The following SAMD3 variants were observed in gnomAD, a reference collection of about 807,000 sequenced individuals.
The protein encoded by SAMD3 is sterile alpha motif domain containing 3, also known as sterile alpha motif domain-containing protein 3.
Under a neutral mutation model 58.5 loss-of-function variants are expected in SAMD3, and 63 were observed. The ratio of observed to expected loss-of-function variants is 1.08; its 90% CI spans 0.88 to 1.33. The LOEUF (loss-of-function observed/expected upper bound fraction) is 1.33. SAMD3 is among the 40% of genes most tolerant of loss of function. SAMD3 has a pLI of 0.00. For synonymous variants in SAMD3, 220 were observed against 210.3 expected, an observed-to-expected ratio of 1.05 and a Z score of -0.40; for missense variants, 604 against 608.4, an observed-to-expected ratio of 0.99 and a Z score of 0.08.
At chr6:130,326,309 A>T (rs894874955) in intron 1 of SAMD3, among the ~76,000 whole-genome samples, 2 of 149,708 alleles carry the variant, frequency 1.3e-5, no homozygotes. Context: ...ATATACCCTG[A>T]TATCTCCTGC....
intron 5 of SAMD3, among the ~76,000 whole-genome samples, chr6:130,202,703 A>T (rs1036512977): frequency 2.6e-5 from 4 of 152,234 alleles, no homozygotes; most frequent in Non-Finnish European, 5.9e-5. Context: ...ACATTACTAC[A>T]TTACTGTATG....
intron 9 of SAMD3, among the ~76,000 whole-genome samples, chr6:130,152,073 T>A (rs1466857673): frequency 6.6e-6 from 1 of 151,836 alleles, no homozygotes; most frequent in Non-Finnish European, 1.5e-5. Context: ...AGCATGGAGG[T>A]GATGGGGGGT....
intron 2 of SAMD3, among the ~76,000 whole-genome samples, chr6:130,275,087 A>G (rs1774728049): frequency 6.6e-6 from 1 of 152,176 alleles, no homozygotes; most frequent in African/African-American, 2.4e-5. Flanking sequence ...TTCTTAGGTG[A>G]GTTGTATGCC....
At chr6:130,172,297 G>A (rs951304861) in intron 8 of SAMD3, among the ~76,000 whole-genome samples, 16 of 151,842 alleles carry the variant, frequency 1.1e-4, no homozygotes, top group South Asian at 4.1e-4. Flanking sequence ...GCAGTTTATC[G>A]CGGCATTGGT....
chr6:130,248,003 C>T (rs1356617846), intron 2 of SAMD3, among the ~76,000 whole-genome samples: 3 of 152,062 alleles, frequency 2.0e-5, no homozygotes, highest in South Asian at 2.1e-4. Flanking sequence ...GTGTGATGTG[C>T]ACCCCATAGT....
chr6:130,328,961 C>T lies in SAMD3; in HGVS notation c.-303-15868G>A, dbSNP rs184781098. On this transcript the variant is annotated intron_variant, in intron 1 of 13. Coordinates refer to the SAMD3 transcript ENST00000368134. ...CAAGGTTGAGAGTGTCAGAGGGAAA[C>T]GAGAATATAAGAGATTGTCTTTAGA... is the stretch of plus-strand genomic sequence containing the variant. 1.6e-3 allele frequency among the ~76,000 whole-genome samples: 248 copies of T among 151,636 alleles called. 6 individuals are homozygous for T. The highest frequency in any genetic ancestry group is 0.015 in the Admixed American group (235 of 15,208).
intron 1 of SAMD3, among the ~76,000 whole-genome samples, chr6:130,350,941 T>A (rs1777638051): frequency 6.6e-6 from 1 of 152,136 alleles, no homozygotes; most frequent in South Asian, 2.1e-4. Context: ...AACCATCTGA[T>A]CTTTGACAAA....
At chr6:130,257,440 T>C (rs1162988546) in intron 2 of SAMD3, among the ~76,000 whole-genome samples, 1 of 152,202 alleles carries the variant, frequency 6.6e-6, no homozygotes, top group East Asian at 1.9e-4. Flanking sequence ...ATTGGTTTCA[T>C]ATAGTAGTTG....
chr6:130,299,092 G>A (rs1360508157), intron 2 of SAMD3, among the ~76,000 whole-genome samples: 1 of 151,978 alleles, frequency 6.6e-6, no homozygotes, highest in Admixed American at 6.6e-5. Context: ...GACTTAAATT[G>A]GACTCTTGAC....
At chr6:130,239,604 G>C (rs1022232302) in intron 2 of SAMD3, among the ~76,000 whole-genome samples, 2 of 152,110 alleles carry the variant, frequency 1.3e-5, no homozygotes, top group African/African-American at 4.8e-5. Flanking sequence ...CACTGTAGAG[G>C]GGAGGTAAGA....
chr6:130,153,662 A>ATTTATT (rs1554251857), intron 9 of SAMD3, among the ~76,000 whole-genome samples: 3,455 of 131,246 alleles, frequency 0.026, 205 homozygotes, highest in African/African-American at 0.09. Flanking sequence ...ATATATATAT[A>ATTTATT]TATTTATTTA....
chr6:130,162,150 A>G lies in SAMD3; in HGVS notation c.823-7125T>C, dbSNP rs182399635. 24 of 655,012 alleles carry G rather than the reference A, an allele frequency of 3.7e-5. No homozygotes were observed. In the East Asian group the frequency reaches 6.3e-4, roughly 17 times the overall value. 40.6% of individuals were successfully genotyped at this position (655,012 alleles called of 1,614,324 possible). A position where few individuals can be genotyped will look rare whatever the true frequency, so the allele number is the denominator to read the frequency against. On this transcript the variant is annotated intron_variant, in intron 8 of 11. Transcript: ENST00000439090. ...AAAGAGCGTATGCTATGCTTCCTTT[A>G]CCACACCAGTTTTGGCAACATAGAG...
At chr6:130,308,450 T>A (rs1348793293) in intron 2 of SAMD3, among the ~76,000 whole-genome samples, 1 of 112,156 alleles carries the variant, frequency 8.9e-6, no homozygotes, top group African/African-American at 5.9e-5. Context: ...TTTGTGTGTG[T>A]GTGTAGGAAA....
chr6:130,259,596 T>C (rs1436507747), intron 2 of SAMD3, among the ~76,000 whole-genome samples: 8 of 152,146 alleles, frequency 5.3e-5, no homozygotes, highest in Non-Finnish European at 1.2e-4. Context: ...GATCAAAAGA[T>C]ACAGTGAATA....
At chr6:130,364,847 T>TA (rs1253078947) in intron 1 of SAMD3, among the ~76,000 whole-genome samples, 1 of 152,044 alleles carries the variant, frequency 6.6e-6, no homozygotes, top group Non-Finnish European at 1.5e-5. Context: ...TTAAAGACTT[T>TA]TTTTTCTAAT....
chr6:130,189,114 A>AAC (rs1250942301), intron 5 of SAMD3, among the ~76,000 whole-genome samples: 1 of 151,890 alleles, frequency 6.6e-6, no homozygotes, highest in Middle Eastern at 3.2e-3. Context: ...AAAAAAAAAA[A>AAC]AAAACCAAAA....
At chr6:130,207,903 C>G (rs1443437563) in intron 5 of SAMD3, among the ~76,000 whole-genome samples, 2 of 152,172 alleles carry the variant, frequency 1.3e-5, no homozygotes, top group Non-Finnish European at 2.9e-5. Context: ...TTTGCAGGAG[C>G]TCCTCATCAA....
At chr6:130,159,730 T>A (rs1384869961) in intron 8 of SAMD3, 2 of 152,076 alleles carry the variant, frequency 1.3e-5, no homozygotes, top group Non-Finnish European at 2.9e-5. Context: ...TGTGAGAAGA[T>A]ATTGGGAACA....
rs530940491 is a variant in SAMD3 at position 130,194,943 on chromosome 6, T to C, written c.384-10320A>G. Among the ~76,000 whole-genome samples the C allele has an allele frequency of 4.6e-5, 7 of 152,226 alleles. No individual in the cohort carries two copies. In the South Asian group the frequency reaches 1.5e-3, roughly 32 times the overall value. ...AGGCTACCCACTGCACATTACCTTC[T>C]TTTCAAGGGCCTGTTTCCCTTGCCT... On this transcript the variant is annotated intron_variant, in intron 5 of 11. Coordinates refer to ENST00000439090, the MANE Select transcript of SAMD3 (RefSeq NM_001017373.4).
Sources: gnomAD v4.1 joint callset for allele counts (sites outside exome capture counted in the v4.1 genomes callset) on GRCh38, gnomAD v4.1.1 for gene constraint, MANE v1.5 for transcripts, NCBI Gene and HGNC (gene_info 2026-07-23, HGNC 2026-07-21) for gene names.